SCAPER: variants seen among roughly 807,000 people sequenced by gnomAD.
The protein encoded by SCAPER is S-phase cyclin A associated protein in the ER, also known as S phase cyclin A-associated protein in the endoplasmic reticulum.
In SCAPER, 98 loss-of-function variants were observed where a neutral mutation model predicts 182.2. The observed-to-expected ratio is 0.54, with a 90% CI of 0.46 to 0.64. SCAPER has a LOEUF of 0.64. Ranked by LOEUF, SCAPER falls within the 30% of genes least tolerant of loss-of-function variation. The pLI is 0.00. For synonymous variants in SCAPER, 605 were observed against 564.6 expected, an observed-to-expected ratio of 1.07 and a Z score of -1.01; for missense variants, 1,432 against 1,690.0, an observed-to-expected ratio of 0.85 and a Z score of 2.68.
chr15:76,868,900 C>A (rs1599189272), intron 2 of SCAPER, among the ~76,000 whole-genome samples: 1 of 152,100 alleles, frequency 6.6e-6, no homozygotes. Context: ...CAGCATGGTA[C>A]TGGCATAAAA....
intron 20 of SCAPER, among the ~76,000 whole-genome samples, chr15:76,667,649 A>AAAAAAAAAAAAAAC (rs2056701114): frequency 8.4e-6 from 1 of 118,884 alleles, no homozygotes; most frequent in Non-Finnish European, 1.8e-5. Flanking sequence ...AAAAAAAAAA[A>AAAAAAAAAAAAAAC]AAAAAAAAAA....
At chr15:76,582,432 GA>G (rs2048334721) in intron 22 of SCAPER, among the ~76,000 whole-genome samples, 1 of 152,114 alleles carries the variant, frequency 6.6e-6, no homozygotes, top group Non-Finnish European at 1.5e-5. Flanking sequence ...ATACAACACT[GA>G]TGTAAGAAAC....
intron 25 of SCAPER, among the ~76,000 whole-genome samples, chr15:76,439,382 T>C (rs2047409847): frequency 6.6e-6 from 1 of 152,182 alleles, no homozygotes; most frequent in Admixed American, 6.5e-5. Flanking sequence ...AAAAAGAAAC[T>C]TCAAGGAGAA....
chr15:76,609,246 G>C (rs2050756063), intron 22 of SCAPER, among the ~76,000 whole-genome samples: 1 of 152,010 alleles, frequency 6.6e-6, no homozygotes, highest in African/African-American at 2.4e-5. Flanking sequence ...CAGTGCCTTG[G>C]GAGGCTGAGG....
intron 27 of SCAPER, among the ~76,000 whole-genome samples, chr15:76,383,117 C>CAT (rs1279742999): frequency 7.3e-5 from 11 of 150,886 alleles, no homozygotes; most frequent in African/African-American, 2.7e-4. Context: ...CACACACACA[C>CAT]ACCTACACAC....
At chr15:76,484,603 A>T (rs1423587442) in intron 24 of SCAPER, among the ~76,000 whole-genome samples, 2 of 152,032 alleles carry the variant, frequency 1.3e-5, no homozygotes, top group African/African-American at 4.8e-5. Flanking sequence ...TATTCCAAAA[A>T]ATTGAGGAGG....
intron 20 of SCAPER, among the ~76,000 whole-genome samples, chr15:76,690,583 A>G (rs1160997333): frequency 6.6e-6 from 1 of 152,210 alleles, no homozygotes; most frequent in Non-Finnish European, 1.5e-5. Context: ...TAAGATATAA[A>G]TAACAGGGGA....
At chr15:76,680,116 A>T (rs188910909) in intron 20 of SCAPER, among the ~76,000 whole-genome samples, 123 of 152,274 alleles carry the variant, frequency 8.1e-4, no homozygotes, top group Admixed American at 2.7e-3. Flanking sequence ...ATCAAAGGGA[A>T]GATAATGCTC....
At chr15:76,753,735 C>T in intron 15 of SCAPER, 73 bp downstream of exon 15, 1 of 1,462,390 alleles carries the variant, frequency 6.8e-7, no homozygotes, top group South Asian at 1.4e-5. Context: ...ACATTATCTT[C>T]TATTACTATT....
intron 3 of SCAPER, among the ~76,000 whole-genome samples, chr15:76,860,643 G>A (rs1034932711): frequency 6.6e-6 from 1 of 152,152 alleles, no homozygotes; most frequent in Non-Finnish European, 1.5e-5. Context: ...AAGTTATGCT[G>A]AGGCAACTTG....
intron 23 of SCAPER, among the ~76,000 whole-genome samples, chr15:76,539,836 C>T (rs959880509): frequency 1.8e-4 from 27 of 152,124 alleles, no homozygotes; most frequent in Non-Finnish European, 2.9e-4. Context: ...TGAGCCACTG[C>T]GCCTGGCCTA....
chr15:76,784,751 C>T (rs546348488), intron 8 of SCAPER, among the ~76,000 whole-genome samples: 48 of 152,240 alleles, frequency 3.2e-4, no homozygotes, highest in Non-Finnish European at 5.9e-4. Context: ...AACCATCTGA[C>T]CTTTGACAAA....
chr15:76,475,119 T>A (rs1045270912), intron 24 of SCAPER, among the ~76,000 whole-genome samples: 5 of 152,198 alleles, frequency 3.3e-5, no homozygotes, highest in African/African-American at 9.6e-5. Flanking sequence ...AAAATAATTT[T>A]AAAAATAATT....
At chr15:76,552,391 G>A (rs2144973394) in intron 23 of SCAPER, among the ~76,000 whole-genome samples, 1 of 152,258 alleles carries the variant, frequency 6.6e-6, no homozygotes, top group African/African-American at 2.4e-5. Flanking sequence ...CACACTCTGA[G>A]CAGATCATCG....
At chr15:76,510,863 G>A (rs970952403) in intron 23 of SCAPER, among the ~76,000 whole-genome samples, 30 of 114,194 alleles carry the variant, frequency 2.6e-4, no homozygotes, top group South Asian at 1.2e-3. Flanking sequence ...ACTGGTGCGC[G>A]CGTGTGTGTG....
chr15:76,903,914 G>A (rs1387041209), intron 1 of SCAPER, among the ~76,000 whole-genome samples: 2 of 152,122 alleles, frequency 1.3e-5, no homozygotes, highest in African/African-American at 4.8e-5. Flanking sequence ...CAAAAACAAG[G>A]GTTGGGGCTG....
intron 23 of SCAPER, among the ~76,000 whole-genome samples, chr15:76,555,292 T>C (rs532312129): frequency 3.3e-5 from 5 of 152,252 alleles, no homozygotes; most frequent in South Asian, 4.1e-4. Flanking sequence ...CTTAAGTACA[T>C]AGACCACTAA....
chr15:76,650,072 C>T (rs542451185), intron 21 of SCAPER, among the ~76,000 whole-genome samples: 2 of 152,014 alleles, frequency 1.3e-5, no homozygotes, highest in Admixed American at 6.5e-5. Flanking sequence ...GGAAGATGGA[C>T]GCATAAATTG....
intron 8 of SCAPER, among the ~76,000 whole-genome samples, chr15:76,776,097 T>C (rs2063729703): frequency 6.6e-6 from 1 of 152,128 alleles, no homozygotes; most frequent in African/African-American, 2.4e-5. Flanking sequence ...TGCCTTGGGA[T>C]TTAGGGGACT....
Sources: gnomAD v4.1 joint callset for allele counts (sites outside exome capture counted in the v4.1 genomes callset) on GRCh38, gnomAD v4.1.1 for gene constraint, MANE v1.5 for transcripts, NCBI Gene and HGNC (gene_info 2026-07-23, HGNC 2026-07-21) for gene names.